The following MSRB3 variants were observed in gnomAD, a reference collection of about 807,000 sequenced individuals.
MSRB3 encodes methionine-R-sulfoxide reductase B3.
In MSRB3, 13 loss-of-function variants were observed where a neutral mutation model predicts 21.0. The observed-to-expected ratio is 0.62, with a 90% CI of 0.40 to 0.98. The LOEUF (loss-of-function observed/expected upper bound fraction) is 0.98, where lower values mean the gene tolerates loss of function less well. MSRB3 is among the 50% of genes least tolerant of loss of function. The pLI is 0.00. For synonymous variants in MSRB3, 87 were observed against 88.6 expected (o/e 0.98, Z 0.10); for missense variants, 199 against 230.3 (o/e 0.86, Z 0.88).
rs114628894 is a variant in MSRB3 at position 65,454,062 on chromosome 12, T to A, written c.390+237T>A. 735 of 640,226 alleles carry A rather than the reference T, an allele frequency of 1.1e-3. 3 individuals are homozygous for A. The highest frequency in any genetic ancestry group is 0.011 in the African/African-American group (634 of 55,428). The allele number at this position is 640,226 out of a possible 1,614,324, so 39.7% of individuals were successfully genotyped here. ...CTTTGAGAGGGCCAAGTGGGGAGGATCACTTGAGGCCAGAAGTTCAAGACG... is the reference window on the plus strand; with the variant it reads ...CTTTGAGAGGGCCAAGTGGGGAGGAACACTTGAGGCCAGAAGTTCAAGACG... On this transcript the variant is annotated intron_variant, in intron 6 of 6. Coordinates refer to ENST00000308259, the MANE Select transcript of MSRB3 (RefSeq NM_001031679.3).
At chr12:65,428,865 G>A (rs555323580) in intron 5 of MSRB3, among the ~76,000 whole-genome samples, 7 of 152,260 alleles carry the variant, frequency 4.6e-5, no homozygotes, top group East Asian at 1.9e-4. Flanking sequence ...TACATATGGG[G>A]TGTCCTCCCT....
chr12:65,347,144 G>A (rs1876573010), intron 4 of MSRB3, among the ~76,000 whole-genome samples: 1 of 152,228 alleles, frequency 6.6e-6, no homozygotes, highest in East Asian at 1.9e-4. Context: ...AGCTTTATGG[G>A]GCTGGCATTG....
chr12:65,310,541 A>G (rs901030584), intron 2 of MSRB3, among the ~76,000 whole-genome samples: 1 of 152,302 alleles, frequency 6.6e-6, no homozygotes, highest in Middle Eastern at 3.4e-3. Context: ...AAAAGCTCCA[A>G]TGTGTAAAAG....
intron 1 of MSRB3, among the ~76,000 whole-genome samples, chr12:65,295,544 T>C (rs1872915541): frequency 6.6e-6 from 1 of 152,122 alleles, no homozygotes; most frequent in South Asian, 2.1e-4. Flanking sequence ...CATTTTTGAG[T>C]TGATGTCTCC....
At chr12:65,374,803 T>C (rs1302713132) in intron 5 of MSRB3, among the ~76,000 whole-genome samples, 1 of 152,216 alleles carries the variant, frequency 6.6e-6, no homozygotes. Context: ...TACAGGATCC[T>C]ATTCAAGATT....
intron 5 of MSRB3, among the ~76,000 whole-genome samples, chr12:65,422,428 A>ATATATATATTTATT (rs34413074): frequency 4.1e-5 from 3 of 73,408 alleles, no homozygotes; most frequent in Non-Finnish European, 7.6e-5. Context: ...ATATATATAT[A>ATATATATATTTATT]TATTTATTTA....
At chr12:65,328,219 G>A (rs542415220) in intron 3 of MSRB3, among the ~76,000 whole-genome samples, 1 of 151,180 alleles carries the variant, frequency 6.6e-6, no homozygotes, top group Non-Finnish European at 1.5e-5. Flanking sequence ...CTTATGTAAT[G>A]TTCTTTCTGT....
At position 65,456,234 on chromosome 12, in the gene MSRB3, C is replaced by T. The variant is rs559662355; in HGVS notation, c.390+2409C>T. ...ATGCTGTTACGTGATCGTTTTAACT[C>T]GTTTTCACTCAGAACCCATTTTCAA... On this transcript the variant is annotated intron_variant, in intron 6 of 6. Coordinates refer to ENST00000308259, the MANE Select transcript of MSRB3 (RefSeq NM_001031679.3). Among the ~76,000 whole-genome samples, 62 of 152,178 alleles carry T rather than the reference C, an allele frequency of 4.1e-4. 1 individual carries two copies. The highest frequency in any genetic ancestry group is 1.4e-3 in the African/African-American group (60 of 41,520).
intron 1 of MSRB3, among the ~76,000 whole-genome samples, chr12:65,286,884 G>T (rs1872382131): frequency 6.6e-6 from 1 of 150,976 alleles, no homozygotes; most frequent in Non-Finnish European, 1.5e-5. Flanking sequence ...AGCAAGGTGT[G>T]CTGGCATGCA....
chr12:65,383,806 T>C (rs1565866206), intron 5 of MSRB3, among the ~76,000 whole-genome samples: 1 of 152,068 alleles, frequency 6.6e-6, no homozygotes, highest in African/African-American at 2.4e-5. Flanking sequence ...ATTATAGGCA[T>C]GTGCCCCCAC....
chr12:65,340,534 C>A (rs1248491883), intron 4 of MSRB3, among the ~76,000 whole-genome samples: 1 of 152,014 alleles, frequency 6.6e-6, no homozygotes, highest in Non-Finnish European at 1.5e-5. Flanking sequence ...ATAACCATAT[C>A]TTATTATATC....
At chr12:65,297,917 A>G (rs971252340) in intron 1 of MSRB3, among the ~76,000 whole-genome samples, 4 of 152,064 alleles carry the variant, frequency 2.6e-5, no homozygotes, top group South Asian at 2.1e-4. Flanking sequence ...AGCACTTAGT[A>G]TTGTTTGGAT....
intron 5 of MSRB3, chr12:65,419,817 G>C: frequency 3.4e-6 from 3 of 887,098 alleles, no homozygotes; most frequent in Non-Finnish European, 5.6e-6. Flanking sequence ...CAGACCCCTA[G>C]CCATCCCTCC....
At chr12:65,404,490 A>T (rs1880302976) in intron 5 of MSRB3, among the ~76,000 whole-genome samples, 2 of 152,218 alleles carry the variant, frequency 1.3e-5, no homozygotes, top group African/African-American at 4.8e-5. Context: ...GCTATCCATT[A>T]GATAAAGAAA....
In MSRB3 at chr12:65,371,116, A is replaced by G. The variant is rs146188533; in HGVS notation, c.292+2090A>G. On this transcript the variant is annotated intron_variant, in intron 5 of 6. Coordinates refer to ENST00000308259, the MANE Select transcript of MSRB3 (RefSeq NM_001031679.3). The stretch of plus-strand genomic sequence containing the variant: ...GCAGAGGCAGGCAGATCGCAAGGTC[A>G]GGAGATCGAGACCATCCTGGCTAAC... Among the ~76,000 whole-genome samples the G allele has an allele frequency of 2.4e-3, 362 of 152,276 alleles. 1 individual carries two copies. Among genetic ancestry groups the G allele is most frequent in the Non-Finnish European group, 3.6e-3 (246 of 68,006 alleles).
chr12:65,442,947 C>T (rs1036878926), intron 5 of MSRB3, among the ~76,000 whole-genome samples: 3 of 152,016 alleles, frequency 2.0e-5, no homozygotes, highest in Non-Finnish European at 2.9e-5. Flanking sequence ...ATCTCCCTCT[C>T]CAGGTTTTTG....
intron 5 of MSRB3, among the ~76,000 whole-genome samples, chr12:65,428,363 G>T (rs1209361819): frequency 1.3e-5 from 2 of 151,918 alleles, no homozygotes; most frequent in Admixed American, 1.3e-4. Context: ...GGATCTTGGG[G>T]ACTCTCTGGG....
intron 5 of MSRB3, among the ~76,000 whole-genome samples, chr12:65,399,090 C>A (rs1879974975): frequency 6.6e-6 from 1 of 152,006 alleles, no homozygotes; most frequent in Non-Finnish European, 1.5e-5. Context: ...GGCTATAGGG[C>A]TGTTTTTTGG....
At chr12:65,447,192 A>T (rs1353735421) in intron 5 of MSRB3, among the ~76,000 whole-genome samples, 2 of 152,184 alleles carry the variant, frequency 1.3e-5, no homozygotes, top group Admixed American at 6.5e-5. Flanking sequence ...CTTGCTAAGG[A>T]TACAAACCCA....
Sources: gnomAD v4.1 joint callset for allele counts (sites outside exome capture counted in the v4.1 genomes callset) on GRCh38, gnomAD v4.1.1 for gene constraint, MANE v1.5 for transcripts, NCBI Gene and HGNC (gene_info 2026-07-23, HGNC 2026-07-21) for gene names.